Variants in SH3BP5 observed in about 807,000 individuals in gnomAD.
SH3BP5 encodes SH3 domain-binding protein 5.
Under a neutral mutation model 43.3 loss-of-function variants are expected in SH3BP5, and 22 were observed. The ratio of observed to expected loss-of-function variants is 0.51; its 90% CI spans 0.36 to 0.73. The LOEUF (loss-of-function observed/expected upper bound fraction) is 0.73, where lower values mean the gene tolerates loss of function less well. SH3BP5 is among the 30% of genes least tolerant of loss of function. SH3BP5 has a pLI of 0.00. For synonymous variants in SH3BP5, 255 were observed against 225.8 expected (o/e 1.13, Z -1.16); for missense variants, 529 against 586.9 (o/e 0.90, Z 1.02).
chr3:15,305,116 CA>C (rs11475958), intron 2 of SH3BP5, among the ~76,000 whole-genome samples: 8,581 of 115,958 alleles, frequency 0.074, 429 homozygotes, highest in East Asian at 0.22. Context: ...GACACTGTCT[CA>C]AAAAAAAAAA....
rs752009470 is a variant in SH3BP5 at position 15,262,307 on chromosome 3, G to T, written c.496-18C>A. ...TCCATGACCTTAAAATGACAGCAGA[G>T]TTCAGCCCAGTCCAGCCCAGAACAG... On this transcript the variant is annotated intron_variant, in intron 4 of 8. Coordinates refer to ENST00000383791, the MANE Select transcript of SH3BP5 (RefSeq NM_004844.5). The T allele has an allele frequency of 6.2e-7, 1 of 1,613,730 alleles. No homozygotes were observed. Among genetic ancestry groups the T allele is most frequent in the Non-Finnish European group, 8.5e-7 (1 of 1,179,740 alleles).
chr3:15,278,136 G>T (rs1697023502), intron 3 of SH3BP5, among the ~76,000 whole-genome samples: 1 of 152,246 alleles, frequency 6.6e-6, no homozygotes, highest in Non-Finnish European at 1.5e-5. Flanking sequence ...TTGGTAGGAA[G>T]CCTCTGTCCT....
At chr3:15,298,602 C>T (rs1030788799) in intron 3 of SH3BP5, among the ~76,000 whole-genome samples, 4 of 152,088 alleles carry the variant, frequency 2.6e-5, no homozygotes, top group African/African-American at 7.2e-5. Flanking sequence ...ATAAATAAAA[C>T]GTGGTATATA....
Position 15,269,729 on chromosome 3 carries a change from T to G in SH3BP5, c.479A>C (p.Asn160Thr). Residue 160 changes from asparagine (N) to threonine (T), a missense_variant, in exon 4 of 9, where the codon AAT (asparagine) becomes ACT (threonine). Asn to Thr is a moderately conservative substitution (Grantham distance 65). Coordinates refer to ENST00000383791, the MANE Select transcript of SH3BP5 (RefSeq NM_004844.5). ...GACTCATACCCTCTGAGTGGCGTGA[T>G]TCAGCATCTCCTGCCAGGCGGAGTC... is the stretch of plus-strand genomic sequence containing the variant. ...QFDSAWQEML[N>T]HATQRVMEAE... The G allele has an allele frequency of 6.2e-7, 1 of 1,603,346 alleles. No individual in the cohort carries two copies. The highest frequency in any genetic ancestry group is 8.5e-7 in the Non-Finnish European group (1 of 1,173,578).
chr3:15,259,494 G>GTGA (rs1262960832), intron 6 of SH3BP5: 1 of 577,042 alleles, frequency 1.7e-6, no homozygotes, highest in African/African-American at 1.9e-5. Flanking sequence ...AGGTCTCCAG[G>GTGA]TGATGCTGAT....
At chr3:15,283,336 G>C (rs908048512) in intron 3 of SH3BP5, among the ~76,000 whole-genome samples, 2 of 152,228 alleles carry the variant, frequency 1.3e-5, no homozygotes, top group Non-Finnish European at 2.9e-5. Context: ...AAGGGAGGCT[G>C]CAGTAAGCCG....
At chr3:15,301,199 G>A (rs1697729197) in intron 3 of SH3BP5, among the ~76,000 whole-genome samples, 1 of 152,134 alleles carries the variant, frequency 6.6e-6, no homozygotes, top group African/African-American at 2.4e-5. Flanking sequence ...ACTCAACCCA[G>A]ACGAGGCTGG....
chr3:15,321,145 G>A (rs531020998), intron 2 of SH3BP5, among the ~76,000 whole-genome samples: 56 of 152,236 alleles, frequency 3.7e-4, no homozygotes, highest in African/African-American at 1.2e-3. Context: ...GAACCTATAC[G>A]TGCCCACATT....
intron 1 of SH3BP5, chr3:15,330,776 T>G: frequency 1.0e-6 from 1 of 984,622 alleles, no homozygotes; most frequent in Non-Finnish European, 1.2e-6. Context: ...GGGTGTCCCT[T>G]TTGACAATGT....
intron 2 of SH3BP5, among the ~76,000 whole-genome samples, chr3:15,327,710 G>T (rs1414265879): frequency 6.6e-6 from 1 of 152,216 alleles, no homozygotes; most frequent in African/African-American, 2.4e-5. Flanking sequence ...AAATGCAGTG[G>T]CCAACAGTGT....
chr3:15,283,238 A>G (rs925176559), intron 3 of SH3BP5, among the ~76,000 whole-genome samples: 2 of 152,176 alleles, frequency 1.3e-5, no homozygotes, highest in African/African-American at 4.8e-5. Context: ...TCTCTACTAA[A>G]AGTACAAAAA....
chr3:15,290,522 T>TC (rs1482176097), intron 3 of SH3BP5, among the ~76,000 whole-genome samples: 2 of 77,302 alleles, frequency 2.6e-5, no homozygotes, highest in Non-Finnish European at 4.6e-5. Flanking sequence ...TGAGACTCTG[T>TC]CCCAAAAAAA....
chr3:15,330,328 C>T (rs1452970180), intron 2 of SH3BP5, among the ~76,000 whole-genome samples, 176 bp downstream of exon 2: 4 of 152,230 alleles, frequency 2.6e-5, no homozygotes, highest in Non-Finnish European at 4.4e-5. Context: ...GATCCACATG[C>T]GTTCCGCCCA....
At chr3:15,276,776 T>C (rs556392080) in intron 3 of SH3BP5, among the ~76,000 whole-genome samples, 1 of 152,342 alleles carries the variant, frequency 6.6e-6, no homozygotes, top group East Asian at 1.9e-4. Flanking sequence ...TGGATACAGA[T>C]GATTACAAAG....
chr3:15,258,171 GATT>G (rs1366007062), intron 7 of SH3BP5: 2 of 152,204 alleles, frequency 1.3e-5, no homozygotes, highest in African/African-American at 2.4e-5. Flanking sequence ...AGCCGACAGG[GATT>G]ATTGCACAGG....
chr3:15,262,458 G>A (rs1696484011), intron 4 of SH3BP5, among the ~76,000 whole-genome samples, 169 bp from the exon 5 acceptor site: 2 of 152,124 alleles, frequency 1.3e-5, no homozygotes, highest in South Asian at 4.1e-4. Context: ...AGGAGATCGG[G>A]ACCATCCTAG....
rs192621865 is a variant in SH3BP5 at position 15,273,368 on chromosome 3, C to T, written c.331-3491G>A. 5 of 985,414 alleles carry T rather than the reference C, an allele frequency of 5.1e-6. No individual in the cohort carries two copies. The East Asian group carries it at 5.7e-4, about 112-fold the overall frequency. 61.0% of individuals were successfully genotyped at this position (985,414 alleles called of 1,614,324 possible). A position where few individuals can be genotyped will look rare whatever the true frequency, so the allele number is the denominator to read the frequency against. On this transcript the variant is annotated intron_variant, in intron 3 of 8. Coordinates refer to ENST00000383791, the MANE Select transcript of SH3BP5 (RefSeq NM_004844.5). ...CCCAGCACCTCTTCACACCCTCTGC[C>T]ATGTATCTGATGAGTTCCAAATAAG... is the stretch of plus-strand genomic sequence containing the variant.
chr3:15,308,575 C>CACGG (rs1265097485), intron 2 of SH3BP5, among the ~76,000 whole-genome samples: 40 of 152,132 alleles, frequency 2.6e-4, no homozygotes, highest in African/African-American at 9.4e-4. Flanking sequence ...GACCCTCCAG[C>CACGG]ACGGACGGAC....
At chr3:15,326,927 T>A (rs1358217177) in intron 2 of SH3BP5, among the ~76,000 whole-genome samples, 1 of 152,164 alleles carries the variant, frequency 6.6e-6, no homozygotes, top group Non-Finnish European at 1.5e-5. Flanking sequence ...AAATAAAGTG[T>A]CTTTTAATGG....
Sources: gnomAD v4.1 joint callset for allele counts (sites outside exome capture counted in the v4.1 genomes callset) on GRCh38, gnomAD v4.1.1 for gene constraint, MANE v1.5 for transcripts, NCBI Gene and HGNC (gene_info 2026-07-23, HGNC 2026-07-21) for gene names.